FGF12: variants seen among roughly 807,000 people sequenced by gnomAD.
FGF12 encodes the protein fibroblast growth factor 12B.
FGF12 carries 14 observed loss-of-function variants against 23.6 expected under a neutral mutation model. That is an observed-to-expected ratio of 0.59 (90% CI 0.39 to 0.93). FGF12 has a LOEUF of 0.93. Ranked by LOEUF, FGF12 falls within the 40% of genes least tolerant of loss-of-function variation. The pLI, the probability that FGF12 is intolerant of heterozygous loss-of-function variation, is 0.00. For synonymous variants in FGF12, 62 were observed against 77.3 expected (o/e 0.80, Z 1.04); for missense variants, 175 against 217.8 (o/e 0.80, Z 1.24).
chr3:192,657,520 A>T (rs1335839012), intron 2 of FGF12, among the ~76,000 whole-genome samples: 1 of 151,958 alleles, frequency 6.6e-6, no homozygotes, highest in Non-Finnish European at 1.5e-5. Context: ...AAGGAAGAAG[A>T]GCTGAGACTA....
intron 2 of FGF12, among the ~76,000 whole-genome samples, chr3:192,724,474 T>G (rs1418431249): frequency 1.3e-5 from 2 of 152,182 alleles, no homozygotes; most frequent in African/African-American, 4.8e-5. Context: ...TGCAGCAAAC[T>G]TTGTGAACCA....
chr3:192,455,189 C>T (rs1366316879), intron 2 of FGF12, among the ~76,000 whole-genome samples: 1 of 152,138 alleles, frequency 6.6e-6, no homozygotes, highest in Non-Finnish European at 1.5e-5. Flanking sequence ...AAAGTTTCCA[C>T]CACATAAAAT....
Position 192,189,390 on chromosome 3 carries a change from A to ATC in FGF12, c.229-18735_229-18734insGA, listed in dbSNP as rs138957383. On this transcript the variant is annotated intron_variant, in intron 4 of 5. Transcript: ENST00000445105. ...AATTAGCTGGCGACTGAATGCATTT[A>ATC]TGTTAGATTAAAAAATGTAAAGTTG... Among the ~76,000 whole-genome samples, 504 of 152,252 alleles carry ATC rather than the reference A, an allele frequency of 3.3e-3. 8 individuals carry two copies. Among genetic ancestry groups the ATC allele is most frequent in the East Asian group, 0.032 (163 of 5,170 alleles).
intron 2 of FGF12, among the ~76,000 whole-genome samples, chr3:192,567,794 TTTC>T (rs1712402053): frequency 9.8e-6 from 1 of 102,146 alleles, no homozygotes; most frequent in Admixed American, 9.2e-5. Context: ...TCTTTCTTTC[TTTC>T]TTTCTCTTTC....
At chr3:192,174,238 C>T (rs944229261) in intron 4 of FGF12, among the ~76,000 whole-genome samples, 11 of 152,152 alleles carry the variant, frequency 7.2e-5, no homozygotes, top group African/African-American at 2.7e-4. Flanking sequence ...ATTTAAAATT[C>T]CCTCCCGGAA....
At chr3:192,200,540 A>C (rs1426361104) in intron 4 of FGF12, among the ~76,000 whole-genome samples, 1 of 152,160 alleles carries the variant, frequency 6.6e-6, no homozygotes, top group Non-Finnish European at 1.5e-5. Context: ...ATATCCTCCC[A>C]CATTGTTTCC....
At chr3:192,249,141 A>G (rs1336635688) in intron 4 of FGF12, among the ~76,000 whole-genome samples, 2 of 152,152 alleles carry the variant, frequency 1.3e-5, no homozygotes, top group Admixed American at 6.5e-5. Flanking sequence ...ATTAATCACA[A>G]GTTTTTTGAG....
chr3:192,318,048 T>A (rs1309950825), intron 4 of FGF12, among the ~76,000 whole-genome samples: 1 of 152,196 alleles, frequency 6.6e-6, no homozygotes. Flanking sequence ...TGCCCCCTAA[T>A]GCAGGTATGG....
chr3:192,495,703 G>A (rs753070722), intron 2 of FGF12, among the ~76,000 whole-genome samples: 2 of 152,084 alleles, frequency 1.3e-5, no homozygotes, highest in Admixed American at 1.3e-4. Context: ...GTCTTGCTCT[G>A]TTGCCCAGGC....
At chr3:192,672,336 T>C (rs2292160) in intron 2 of FGF12, among the ~76,000 whole-genome samples, 11,799 of 151,044 alleles carry the variant, frequency 0.078, 1,252 homozygotes, top group East Asian at 0.4. Context: ...AAGAAATCAC[T>C]AAGTTATCTG....
intron 2 of FGF12, among the ~76,000 whole-genome samples, chr3:192,394,838 G>T (rs994226937): frequency 6.6e-6 from 1 of 152,158 alleles, no homozygotes; most frequent in Non-Finnish European, 1.5e-5. Flanking sequence ...TTAAAAGTAA[G>T]AGAAAAGAAG....
chr3:192,196,452 T>C (rs1717073105), intron 4 of FGF12, among the ~76,000 whole-genome samples: 2 of 151,994 alleles, frequency 1.3e-5, no homozygotes, highest in African/African-American at 2.4e-5. Context: ...TTATAAACAA[T>C]AGAGAGGTGA....
chr3:192,713,483 A>T (rs1262417837), intron 2 of FGF12, among the ~76,000 whole-genome samples: 1 of 152,224 alleles, frequency 6.6e-6, no homozygotes. Flanking sequence ...AAATCACCTC[A>T]AATGTTATGC....
At chr3:192,620,334 T>C (rs1465016905) in intron 2 of FGF12, among the ~76,000 whole-genome samples, 1 of 152,124 alleles carries the variant, frequency 6.6e-6, no homozygotes. Flanking sequence ...ACATTCTTCT[T>C]CCTTTTATAA....
At chr3:192,262,625 T>C (rs1712829644) in intron 4 of FGF12, among the ~76,000 whole-genome samples, 1 of 152,104 alleles carries the variant, frequency 6.6e-6, no homozygotes. Flanking sequence ...TATGGGTTTG[T>C]AGCATAGGAA....
At position 192,167,756 on chromosome 3, in the gene FGF12, TATATATATATATAAAA is replaced by T. The variant is rs1233257165; in HGVS notation, c.427+2686_427+2701del. Among the ~76,000 whole-genome samples the T allele has an allele frequency of 3.7e-3, 119 of 32,282 alleles. 5 individuals carry two copies. Among genetic ancestry groups the T allele is most frequent in the South Asian group, 0.025 (16 of 648 alleles). The allele number at this position is 32,282 out of a possible 152,430, so 21.2% of individuals were successfully genotyped here. A position where few individuals can be genotyped will look rare whatever the true frequency, so the allele number is the denominator to read the frequency against. On this transcript the variant is annotated intron_variant, in intron 5 of 5. Coordinates refer to ENST00000445105, the MANE Select transcript of FGF12 (RefSeq NM_004113.6). ...GTATATATATATATATATATATATA[TATATATATATATAAAA>T]TTTTTTTTTTTTTTTTTTTTTGAGA... is the stretch of plus-strand genomic sequence containing the variant.
intron 2 of FGF12, among the ~76,000 whole-genome samples, chr3:192,458,675 T>C (rs1306914827): frequency 6.6e-6 from 1 of 152,200 alleles, no homozygotes; most frequent in East Asian, 1.9e-4. Context: ...ATTTGCCTTG[T>C]CTCAGATAAG....
rs1279204238 is a variant in FGF12 at position 192,602,865 on chromosome 3, G to A, written c.13+124316C>T. Among the ~76,000 whole-genome samples, 4 of 152,100 alleles carry A rather than the reference G, an allele frequency of 2.6e-5. No individual in the cohort carries two copies. The East Asian group carries it at 5.8e-4, about 22-fold the overall frequency. ...ATGATCAAGTAAGCTTCTTTCCTAG[G>A]AGGCAACGTTGGTTCAACATATGAA... On this transcript the variant is annotated intron_variant, in intron 2 of 5. Transcript: ENST00000445105.
intron 4 of FGF12, among the ~76,000 whole-genome samples, chr3:192,249,178 C>T (rs1442905448): frequency 1.3e-5 from 2 of 152,016 alleles, no homozygotes; most frequent in Non-Finnish European, 2.9e-5. Context: ...AACTCCCATC[C>T]AAGGTCCCTA....
Sources: allele counts gnomAD v4.1 joint callset (sites outside exome capture counted in the v4.1 genomes callset), GRCh38; gene constraint gnomAD v4.1.1; transcripts MANE v1.5; gene names NCBI Gene and HGNC (gene_info 2026-07-23, HGNC 2026-07-21).